The following ADGRG6 variants were observed in gnomAD, a reference collection of about 807,000 sequenced individuals.
The protein encoded by ADGRG6 is adhesion G protein-coupled receptor G6.
A neutral mutation model predicts 142.4 loss-of-function variants in ADGRG6; 84 were observed. The observed-to-expected ratio is 0.59, with a 90% CI of 0.49 to 0.71. The LOEUF is 0.71. Ranked by LOEUF, ADGRG6 falls within the 30% of genes least tolerant of loss-of-function variation. ADGRG6 has a pLI of 0.00. For synonymous variants in ADGRG6, 521 were observed against 520.5 expected (o/e 1.00, Z -0.01); for missense variants, 1,367 against 1,466.6 (o/e 0.93, Z 1.11).
At chr6:142,360,230 G>T (rs891086977) in intron 2 of ADGRG6, among the ~76,000 whole-genome samples, 5 of 152,192 alleles carry the variant, frequency 3.3e-5, no homozygotes, top group Non-Finnish European at 1.5e-5. Flanking sequence ...ATGATGTTTG[G>T]ACTGATGGCT....
rs767097420 is a variant in ADGRG6, at chr6:142,415,114, C to G, written c.2669+18C>G. 6.3e-7 allele frequency: 1 copy of G among 1,597,798 alleles called. No individual in the cohort carries two copies. Among genetic ancestry groups the G allele is most frequent in the Non-Finnish European group, 8.5e-7 (1 of 1,172,324 alleles). ...GCTTTTGAGTAAGTATATTTTTAAT[C>G]TGCCAAACCCATTGCTAACTGTTCC... On this transcript the variant is annotated intron_variant, in intron 19 of 24. Transcript: ENST00000367609.
chr6:142,434,102 A>C (rs1777358376), intron 22 of ADGRG6, among the ~76,000 whole-genome samples: 2 of 152,082 alleles, frequency 1.3e-5, no homozygotes, highest in Admixed American at 1.3e-4. Context: ...ATTTCAAAGA[A>C]ATAGATCATT....
chr6:142,317,784 A>T (rs1291980049), intron 2 of ADGRG6, among the ~76,000 whole-genome samples: 2 of 95,196 alleles, frequency 2.1e-5, no homozygotes, highest in Non-Finnish European at 1.9e-5. Context: ...ATATATATTT[A>T]TATATAATAT....
intron 2 of ADGRG6, among the ~76,000 whole-genome samples, chr6:142,328,328 G>A (rs1264939219): frequency 1.3e-5 from 2 of 152,114 alleles, no homozygotes; most frequent in Non-Finnish European, 2.9e-5. Flanking sequence ...TCAGCCTCCT[G>A]AGTAGCTGGG....
intron 2 of ADGRG6, among the ~76,000 whole-genome samples, chr6:142,346,080 C>T (rs915015322): frequency 2.0e-5 from 3 of 152,100 alleles, no homozygotes; most frequent in Non-Finnish European, 4.4e-5. Flanking sequence ...GGATAGTGGG[C>T]TGCCTTTAGG....
chr6:142,357,817 G>A (rs952326297), intron 2 of ADGRG6, among the ~76,000 whole-genome samples: 2 of 152,168 alleles, frequency 1.3e-5, no homozygotes, highest in African/African-American at 4.8e-5. Flanking sequence ...GTGACCATAT[G>A]TAAAGACATC....
intron 24 of ADGRG6, among the ~76,000 whole-genome samples, chr6:142,438,653 T>A (rs1027794090): frequency 1.3e-5 from 2 of 152,346 alleles, no homozygotes; most frequent in South Asian, 4.1e-4. Context: ...TATGGTATTT[T>A]GTTTAAAAAG....
chr6:142,434,146 C>T (rs968969347), intron 22 of ADGRG6, among the ~76,000 whole-genome samples: 1 of 151,092 alleles, frequency 6.6e-6, no homozygotes, highest in East Asian at 1.9e-4. Flanking sequence ...ACTTCATTAC[C>T]AATAAAGTAT....
At chr6:142,397,350 T>C (rs994782039) in intron 9 of ADGRG6, among the ~76,000 whole-genome samples, 1 of 152,050 alleles carries the variant, frequency 6.6e-6, no homozygotes, top group South Asian at 2.1e-4. Context: ...ACTATAAATA[T>C]TAAATATTAA....
At chr6:142,328,714 G>C (rs948211938) in intron 2 of ADGRG6, among the ~76,000 whole-genome samples, 4 of 152,156 alleles carry the variant, frequency 2.6e-5, no homozygotes, top group African/African-American at 9.7e-5. Flanking sequence ...GAATGCCATA[G>C]AAATGCAAAT....
intron 2 of ADGRG6, among the ~76,000 whole-genome samples, chr6:142,333,792 C>T (rs1021202904): frequency 1.3e-5 from 2 of 152,156 alleles, no homozygotes; most frequent in African/African-American, 2.4e-5. Flanking sequence ...GTCCCTGGTA[C>T]ATTGTAATTT....
chr6:142,367,551 CTT>C lies in ADGRG6; in HGVS notation c.104-15_104-14del. The C allele has an allele frequency of 6.2e-7, 1 of 1,603,692 alleles. No individual in the cohort carries two copies. Among genetic ancestry groups the C allele is most frequent in the Non-Finnish European group, 8.5e-7 (1 of 1,172,370 alleles). ...GAACCCAGCCCTTCTCTCTGTCTCTCTTTTGTCTGGCCAGCAGTGTGGGGATG... is the reference window on the plus strand; with the variant it reads ...GAACCCAGCCCTTCTCTCTGTCTCTCTTGTCTGGCCAGCAGTGTGGGGATG... On this transcript the variant is annotated splice_polypyrimidine_tract_variant and intron_variant, in intron 2 of 24. Coordinates refer to ENST00000367609, the MANE Select transcript of ADGRG6 (RefSeq NM_198569.3).
chr6:142,345,324 A>T (rs1271876570), intron 2 of ADGRG6, among the ~76,000 whole-genome samples: 1 of 152,094 alleles, frequency 6.6e-6, no homozygotes. Flanking sequence ...TATCTTTGGC[A>T]GTCATAGTCA....
At chr6:142,317,585 C>T (rs2114567167) in intron 2 of ADGRG6, among the ~76,000 whole-genome samples, 1 of 148,126 alleles carries the variant, frequency 6.8e-6, no homozygotes, top group African/African-American at 2.5e-5. Flanking sequence ...TTCTTAGACT[C>T]ATTTAAACGC....
Position 142,338,027 on chromosome 6 carries a change from T to TTTTTTTTTGTTTG in ADGRG6, c.103+28391_103+28392insGTTTGTTTTTTTT, listed in dbSNP as rs1554234633. On this transcript the variant is annotated intron_variant, in intron 2 of 24. Coordinates refer to ENST00000367609, the MANE Select transcript of ADGRG6 (RefSeq NM_198569.3). ...ATGCCTTGTATCTTTGTTTTTTTTT[T>TTTTTTTTTGTTTG]TTTTTTTTTTTGAGACGGAGTCTCG... Among the ~76,000 whole-genome samples the TTTTTTTTTGTTTG allele has an allele frequency of 3.4e-5, 2 of 58,018 alleles. 1 individual carries two copies. Among genetic ancestry groups the TTTTTTTTTGTTTG allele is most frequent in the Non-Finnish European group, 6.9e-5 (2 of 29,192 alleles). 38.1% of individuals were successfully genotyped at this position (58,018 alleles called of 152,430 possible). A position where few individuals can be genotyped will look rare whatever the true frequency, so the allele number is the denominator to read the frequency against.
intron 6 of ADGRG6, among the ~76,000 whole-genome samples, chr6:142,389,871 T>C (rs1774793528): frequency 1.3e-5 from 2 of 151,844 alleles, no homozygotes; most frequent in Non-Finnish European, 3.0e-5. Context: ...CATCCCAAAC[T>C]CTTTATCATT....
intron 2 of ADGRG6, among the ~76,000 whole-genome samples, chr6:142,315,593 G>A (rs1382840859): frequency 1.3e-5 from 2 of 151,952 alleles, no homozygotes; most frequent in East Asian, 3.9e-4. Context: ...CCTTTGGGAG[G>A]CCGAGGCGGC....
Position 142,419,906 on chromosome 6 carries a change from A to G in ADGRG6, c.3121A>G (p.Ile1041Val). Residue 1041 changes from isoleucine to valine, a missense_variant, in exon 22 of 25, where the codon ATT becomes GTT. Physicochemically the swap from Ile to Val is conservative, Grantham distance 29. Coordinates refer to ENST00000367609, the MANE Select transcript of ADGRG6 (RefSeq NM_198569.3). Reference sequence around the variant, plus strand: ...GTTTTTTCTGAACATTGCCATGTTCATTGTGGTAATGGTGCAGATCTGTGG... The same window carrying G: ...GTTTTTTCTGAACATTGCCATGTTCGTTGTGGTAATGGTGCAGATCTGTGG... Reference protein sequence around the residue: ...VMFFLNIAMFIVVMVQICGRN... With the variant: ...VMFFLNIAMFVVVMVQICGRN... 1 of 1,613,114 alleles carries G rather than the reference A, an allele frequency of 6.2e-7. No homozygotes were observed. The highest frequency in any genetic ancestry group is 8.5e-7 in the Non-Finnish European group (1 of 1,179,376).
intron 15 of ADGRG6, among the ~76,000 whole-genome samples, chr6:142,406,370 A>G (rs1775808363): frequency 6.6e-6 from 1 of 152,346 alleles, no homozygotes; most frequent in South Asian, 2.1e-4. Context: ...TCTAGATTCT[A>G]GAAGGCCCAC....
Sources: allele counts gnomAD v4.1 joint callset (sites outside exome capture counted in the v4.1 genomes callset), GRCh38; gene constraint gnomAD v4.1.1; transcripts MANE v1.5; gene names NCBI Gene and HGNC (gene_info 2026-07-23, HGNC 2026-07-21).